CTCF: variants seen among roughly 807,000 people sequenced by gnomAD.
CTCF encodes transcriptional repressor CTCF.
In CTCF, 7 loss-of-function variants were observed where a neutral mutation model predicts 72.3. That is an observed-to-expected ratio of 0.10 (90% CI 0.06 to 0.18). The LOEUF (loss-of-function observed/expected upper bound fraction) is 0.18, where lower values mean the gene tolerates loss of function less well. CTCF is among the 10% of genes least tolerant of loss of function. The pLI is 1.00. For synonymous variants in CTCF, 374 were observed against 315.8 expected, an observed-to-expected ratio of 1.18 and a Z score of -1.95; for missense variants, 516 against 949.1, an observed-to-expected ratio of 0.54 and a Z score of 6.00.
intron 4 of CTCF, chr16:67,615,293 C>T (rs1035140457): frequency 9.9e-5 from 15 of 152,212 alleles, no homozygotes; most frequent in African/African-American, 3.6e-4. Flanking sequence ...ACTAGGTAAA[C>T]ACGAGCATTT....
At chr16:67,635,776 A>T (rs983450305) in intron 10 of CTCF, 3 of 152,014 alleles carry the variant, frequency 2.0e-5, no homozygotes, top group African/African-American at 7.3e-5. Context: ...GGTGTGAGCC[A>T]CCACGCCCAG....
At chr16:67,590,044 G>A (rs1161447420) in intron 2 of CTCF, among the ~76,000 whole-genome samples, 4 of 151,806 alleles carry the variant, frequency 2.6e-5, no homozygotes, top group African/African-American at 9.7e-5. Context: ...CCAAGATGGC[G>A]CCATTGCACT....
chr16:67,618,881 A>G (rs962723014), intron 5 of CTCF, among the ~76,000 whole-genome samples: 2 of 152,268 alleles, frequency 1.3e-5, no homozygotes, highest in South Asian at 2.1e-4. Flanking sequence ...AGTTGATTCT[A>G]ACTTTCAACT....
At chr16:67,618,162 T>C (rs140886314) in intron 5 of CTCF, among the ~76,000 whole-genome samples, 89 of 152,300 alleles carry the variant, frequency 5.8e-4, no homozygotes, top group African/African-American at 1.3e-3. Flanking sequence ...CCCAGTACTT[T>C]GGGAGGTTGA....
intron 2 of CTCF, among the ~76,000 whole-genome samples, chr16:67,607,242 C>A (rs928164261): frequency 6.6e-6 from 1 of 152,132 alleles, no homozygotes. Flanking sequence ...CAGGCCTGAG[C>A]CACCACGCCT....
intron 2 of CTCF, among the ~76,000 whole-genome samples, chr16:67,593,612 T>G (rs1489437476): frequency 6.6e-6 from 1 of 152,188 alleles, no homozygotes; most frequent in East Asian, 1.9e-4. Flanking sequence ...TAGGTACCCT[T>G]CATGTTGACT....
At chr16:67,626,448 G>GT (rs1439618609) in intron 7 of CTCF, 107 bp from the exon 8 acceptor site, 1 of 715,008 alleles carries the variant, frequency 1.4e-6, no homozygotes, top group Non-Finnish European at 2.0e-6. Context: ...GCAAGACTCC[G>GT]TCTCAAAAAA....
chr16:67,601,131 G>A (rs1026730431), intron 2 of CTCF, among the ~76,000 whole-genome samples: 2 of 151,908 alleles, frequency 1.3e-5, no homozygotes, highest in African/African-American at 4.8e-5. Context: ...CAGCCTATTG[G>A]TTACTTATTG....
rs967492096 is a variant in CTCF at position 67,638,587 on chromosome 16, A to G, written c.*715A>G. 8.6e-6 allele frequency: 2 copies of G among 231,492 alleles called. No individual in the cohort carries two copies. The highest frequency in any genetic ancestry group is 1.7e-5 in the Non-Finnish European group (2 of 116,752). 14.3% of individuals were successfully genotyped at this position (231,492 alleles called of 1,614,324 possible). ...AATTGGATCACAATCATGTAGCAGAATGGCACCCAGACCACTGCCCACCAG... is the reference window on the plus strand; with the variant it reads ...AATTGGATCACAATCATGTAGCAGAGTGGCACCCAGACCACTGCCCACCAG... On this transcript the variant is annotated 3_prime_UTR_variant, in exon 12 of 12. Coordinates refer to ENST00000264010, the MANE Select transcript of CTCF (RefSeq NM_006565.4).
At chr16:67,621,061 A>G (rs2052193528) in intron 6 of CTCF, 1 of 380,698 alleles carries the variant, frequency 2.6e-6, no homozygotes, top group Non-Finnish European at 4.7e-6. Flanking sequence ...TTTAAGGGAG[A>G]AATTAAGTTA....
At chr16:67,592,485 C>T (rs2051758375) in intron 2 of CTCF, among the ~76,000 whole-genome samples, 1 of 151,954 alleles carries the variant, frequency 6.6e-6, no homozygotes, top group African/African-American at 2.4e-5. Context: ...GTGGGAGGAT[C>T]ACCAGAGCTC....
At chr16:67,594,141 G>GT (rs2051781041) in intron 2 of CTCF, among the ~76,000 whole-genome samples, 1 of 152,044 alleles carries the variant, frequency 6.6e-6, no homozygotes, top group African/African-American at 2.4e-5. Context: ...GAGCATGGTG[G>GT]TTTATGCCTG....
At chr16:67,582,991 T>G (rs2051608727) in intron 2 of CTCF, among the ~76,000 whole-genome samples, 1 of 151,172 alleles carries the variant, frequency 6.6e-6, no homozygotes, top group Admixed American at 6.6e-5. Flanking sequence ...TTCTTTTTTT[T>G]TTTTTTTGAG....
intron 10 of CTCF, among the ~76,000 whole-genome samples, chr16:67,633,823 C>T (rs1213106762): frequency 6.6e-6 from 1 of 152,082 alleles, no homozygotes; most frequent in Non-Finnish European, 1.5e-5. Context: ...CACTCTCACT[C>T]ACTCACTCTT....
chr16:67,585,689 T>C (rs780829665), intron 2 of CTCF, among the ~76,000 whole-genome samples: 11 of 152,176 alleles, frequency 7.2e-5, no homozygotes, highest in Non-Finnish European at 1.5e-4. Flanking sequence ...ATATAACAAA[T>C]CTCTGGAATA....
chr16:67,600,172 G>A (rs1000270894), intron 2 of CTCF, among the ~76,000 whole-genome samples: 5 of 152,126 alleles, frequency 3.3e-5, no homozygotes, highest in African/African-American at 7.2e-5. Context: ...CAAAGGGGCC[G>A]CAGAGGGCTA....
At chr16:67,637,500 C>T (rs2052446827) in intron 11 of CTCF, among the ~76,000 whole-genome samples, 188 bp from the exon 12 acceptor site, 1 of 152,128 alleles carries the variant, frequency 6.6e-6, no homozygotes, top group Admixed American at 6.5e-5. Flanking sequence ...CCCGTGCACT[C>T]CAGCCTGGTC....
rs78579586 is a variant in CTCF, at chr16:67,613,745, C to T, written c.952+1624C>T. On this transcript the variant is annotated intron_variant, in intron 4 of 11. Coordinates refer to ENST00000264010, the MANE Select transcript of CTCF (RefSeq NM_006565.4). ...AAGCCAAGATTGTGCCACCGTACTC[C>T]AACCTAAGTGACAGAGCAAGACTCT... is the stretch of plus-strand genomic sequence containing the variant. Among the ~76,000 whole-genome samples the T allele has an allele frequency of 6.4e-3, 969 of 152,168 alleles. 3 individuals carry two copies. Among genetic ancestry groups the T allele is most frequent in the Non-Finnish European group, 8.5e-3 (578 of 68,002 alleles).
intron 8 of CTCF, 123 bp from the exon 9 acceptor site, chr16:67,628,247 A>G: frequency 1.3e-6 from 1 of 776,934 alleles, no homozygotes; most frequent in Non-Finnish European, 2.1e-6. Flanking sequence ...CATCTCAACA[A>G]GCCGTGTGGA....
Sources: allele counts gnomAD v4.1 joint callset (sites outside exome capture counted in the v4.1 genomes callset), GRCh38; gene constraint gnomAD v4.1.1; transcripts MANE v1.5; gene names NCBI Gene and HGNC (gene_info 2026-07-23, HGNC 2026-07-21).